ADGRV1: variants seen among roughly 807,000 people sequenced by gnomAD.
ADGRV1 encodes the protein G-protein coupled receptor 98.
ADGRV1 carries 359 observed loss-of-function variants against 596.2 expected under a neutral mutation model. That is an observed-to-expected ratio of 0.60 (90% CI 0.55 to 0.66). ADGRV1 has a LOEUF of 0.66. Among genes scored for constraint, ADGRV1 ranks in the 30% least tolerant of loss-of-function variants. The pLI is 0.00. For missense variants in ADGRV1, 7,274 were observed against 7,575.6 expected, an observed-to-expected ratio of 0.96 and a Z score of 1.48; for synonymous variants, 2,681 against 2,679.2, an observed-to-expected ratio of 1.00 and a Z score of -0.02.
intron 83 of ADGRV1, 92 bp downstream of exon 83, chr5:90,863,949 C>G (rs749103532): frequency 1.2e-6 from 1 of 811,942 alleles, no homozygotes; most frequent in African/African-American, 1.7e-5. Context: ...AAAGTTTAAT[C>G]TCAACTTAGT....
chr5:90,792,330 T>C (rs1319074278), intron 70 of ADGRV1: 1 of 152,194 alleles, frequency 6.6e-6, no homozygotes, highest in East Asian at 1.9e-4. Flanking sequence ...AAACTTGTGA[T>C]CCATAGAAAA....
chr5:91,114,676 G>A (rs1187433690), intron 87 of ADGRV1, among the ~76,000 whole-genome samples: 1 of 152,126 alleles, frequency 6.6e-6, no homozygotes. Flanking sequence ...AAAGCCTATT[G>A]TGTTTTGTAG....
At chr5:90,871,520 A>G (rs915269736) in intron 83 of ADGRV1, among the ~76,000 whole-genome samples, 6 of 152,230 alleles carry the variant, frequency 3.9e-5, no homozygotes, top group African/African-American at 1.4e-4. Flanking sequence ...GCAAAGCAAC[A>G]GAAAGAGTGA....
chr5:90,653,169 T>C, intron 19 of ADGRV1, 40 bp from the exon 20 acceptor site: 1 of 1,512,676 alleles, frequency 6.6e-7, no homozygotes, highest in Non-Finnish European at 8.9e-7. Flanking sequence ...AGAAAGTACT[T>C]GAAATTCTAG....
At chr5:90,776,398 T>C in intron 60 of ADGRV1, 55 bp from the exon 61 acceptor site, 4 of 1,545,812 alleles carry the variant, frequency 2.6e-6, no homozygotes, top group Non-Finnish European at 2.6e-6. Flanking sequence ...TCCAGGCATA[T>C]ACTAAGTGCT....
intron 86 of ADGRV1, among the ~76,000 whole-genome samples, chr5:91,079,424 A>G (rs1019596594): frequency 2.0e-5 from 3 of 152,214 alleles, no homozygotes; most frequent in Non-Finnish European, 4.4e-5. Flanking sequence ...GAAGATTCAT[A>G]TCAGAAATCT....
At chr5:90,698,466 A>G (rs1747486495) in intron 34 of ADGRV1, among the ~76,000 whole-genome samples, 1 of 152,194 alleles carries the variant, frequency 6.6e-6, no homozygotes, top group Non-Finnish European at 1.5e-5. Context: ...CCCATGCTAT[A>G]TAGGGCACCT....
intron 59 of ADGRV1, among the ~76,000 whole-genome samples, chr5:90,772,808 G>A (rs1757832117): frequency 6.6e-6 from 1 of 152,146 alleles, no homozygotes; most frequent in Admixed American, 6.6e-5. Flanking sequence ...ATAGTAAATA[G>A]CCATTGTCAG....
At chr5:90,863,647 AGGCAGGT>A in intron 82 of ADGRV1, 103 bp from the exon 83 acceptor site, 1 of 774,846 alleles carries the variant, frequency 1.3e-6, no homozygotes. Context: ...TACTGGGCAG[AGGCAGGT>A]GGCAGACCTG....
chr5:90,814,995 T>TA (rs1389483328), intron 74 of ADGRV1, among the ~76,000 whole-genome samples: 1 of 151,548 alleles, frequency 6.6e-6, no homozygotes, highest in African/African-American at 2.4e-5. Context: ...TAAACATTTT[T>TA]TTTTTTAGTA....
intron 85 of ADGRV1, among the ~76,000 whole-genome samples, chr5:91,001,323 C>G (rs1781841264): frequency 6.6e-6 from 1 of 152,106 alleles, no homozygotes; most frequent in African/African-American, 2.4e-5. Context: ...AGGAATCCTC[C>G]CACCATGACC....
chr5:90,643,736 TTA>T, intron 13 of ADGRV1, 65 bp from the exon 14 acceptor site: 9 of 1,213,476 alleles, frequency 7.4e-6, no homozygotes, highest in African/African-American at 1.5e-5. Context: ...TCTTGAATAT[TTA>T]TGTTTTTAAA....
intron 89 of ADGRV1, among the ~76,000 whole-genome samples, chr5:91,160,496 C>A (rs1189752526): frequency 1.3e-5 from 2 of 152,268 alleles, no homozygotes; most frequent in Non-Finnish European, 1.5e-5. Context: ...CTCACCCTAT[C>A]CTAACCAAAG....
intron 59 of ADGRV1, among the ~76,000 whole-genome samples, chr5:90,768,113 T>G (rs925132707): frequency 2.1e-4 from 32 of 152,114 alleles, no homozygotes; most frequent in Admixed American, 4.6e-4. Context: ...ATTAAAAAGG[T>G]TTTCTTGTTT....
At position 90,828,639 on chromosome 5, in the gene ADGRV1, T is replaced by G. The variant is rs190758355; in HGVS notation, c.16369-305T>G. Among the ~76,000 whole-genome samples the G allele has an allele frequency of 4.3e-4, 66 of 152,308 alleles. No individual in the cohort carries two copies. In the East Asian group the frequency reaches 0.012, roughly 27 times the overall value. On this transcript the variant is annotated intron_variant, in intron 76 of 89. Transcript: ENST00000405460. ...TCCTTTTAACTACTTTATAGTGTTT[T>G]GTGGTATGAATACATTTAATTTATT...
intron 83 of ADGRV1, among the ~76,000 whole-genome samples, chr5:90,941,078 AAAATG>A (rs1162291949): frequency 2.6e-5 from 4 of 151,970 alleles, no homozygotes; most frequent in Non-Finnish European, 4.4e-5. Flanking sequence ...TCCTGAGAAA[AAAATG>A]AAAACAAAAC....
At chr5:90,691,403 A>C (rs1186894402) in intron 31 of ADGRV1, among the ~76,000 whole-genome samples, 1 of 64,136 alleles carries the variant, frequency 1.6e-5, no homozygotes, top group Non-Finnish European at 3.1e-5. Context: ...TTTTTTTTTG[A>C]GATGGAGTTT....
chr5:90,784,142 T>C, intron 67 of ADGRV1, 85 bp downstream of exon 67: 1 of 853,562 alleles, frequency 1.2e-6, no homozygotes, highest in Non-Finnish European at 1.8e-6. Context: ...CAAGTATATT[T>C]CTTTATTCAC....
At chr5:90,685,557 C>T (rs962188343) in intron 28 of ADGRV1, among the ~76,000 whole-genome samples, 1 of 151,748 alleles carries the variant, frequency 6.6e-6, no homozygotes, top group African/African-American at 2.4e-5. Context: ...TACACTCCAA[C>T]ACTCCAGCAC....
Sources: allele counts gnomAD v4.1 joint callset (sites outside exome capture counted in the v4.1 genomes callset), GRCh38; gene constraint gnomAD v4.1.1; transcripts MANE v1.5; gene names NCBI Gene and HGNC (gene_info 2026-07-23, HGNC 2026-07-21).